MTUS2: variants seen among roughly 807,000 people sequenced by gnomAD.
MTUS2 encodes the protein microtubule-associated tumor suppressor candidate 2.
MTUS2 carries 40 observed loss-of-function variants against 114.1 expected under a neutral mutation model. The observed-to-expected ratio is 0.35, with a 90% CI of 0.27 to 0.46. The LOEUF is 0.46. Ranked by LOEUF, MTUS2 falls within the 20% of genes least tolerant of loss-of-function variation. The probability of loss-of-function intolerance (pLI) is 1.00; values close to 1 mark genes in which losing one functional copy is unlikely to be tolerated. For missense variants in MTUS2, 1,679 were observed against 1,705.4 expected (o/e 0.98, Z 0.27); for synonymous variants, 688 against 672.0 (o/e 1.02, Z -0.37).
chr13:29,213,024 A>G (rs1418764600), intron 5 of MTUS2, among the ~76,000 whole-genome samples: 2 of 152,094 alleles, frequency 1.3e-5, no homozygotes, highest in African/African-American at 4.8e-5. Context: ...AGAGTAAATG[A>G]TGCTTCTGTT....
intron 7 of MTUS2, among the ~76,000 whole-genome samples, chr13:29,356,244 A>G (rs1022776222): frequency 6.6e-6 from 1 of 152,136 alleles, no homozygotes; most frequent in Non-Finnish European, 1.5e-5. Flanking sequence ...AGAGGTCAGG[A>G]GTGGGTCACC....
intron 4 of MTUS2, among the ~76,000 whole-genome samples, chr13:29,045,330 C>T (rs1395627413): frequency 1.3e-5 from 2 of 152,088 alleles, no homozygotes; most frequent in Non-Finnish European, 2.9e-5. Context: ...TGCATTTTTG[C>T]CATAGCCTTA....
intron 4 of MTUS2, among the ~76,000 whole-genome samples, chr13:29,080,110 T>A (rs568513047): frequency 6.6e-6 from 1 of 152,344 alleles, no homozygotes; most frequent in Admixed American, 6.5e-5. Flanking sequence ...GATTTATACT[T>A]CTTTTGTTAA....
At chr13:29,031,924 G>A (rs905239149) in intron 3 of MTUS2, among the ~76,000 whole-genome samples, 14 of 151,986 alleles carry the variant, frequency 9.2e-5, no homozygotes, top group Non-Finnish European at 4.4e-5. Context: ...TGGTAAGAAT[G>A]TATTTGTTCA....
chr13:29,000,160 G>C (rs1199566504), intron 2 of MTUS2, among the ~76,000 whole-genome samples: 1 of 152,082 alleles, frequency 6.6e-6, no homozygotes, highest in Non-Finnish European at 1.5e-5. Context: ...AGGATCATAT[G>C]GTAATTCTAT....
intron 5 of MTUS2, among the ~76,000 whole-genome samples, chr13:29,261,509 A>G (rs1021234328): frequency 1.3e-5 from 2 of 152,370 alleles, no homozygotes; most frequent in Admixed American, 1.3e-4. Context: ...CAGAAGCTTC[A>G]ATATAACTAA....
chr13:29,502,554 AAGGCACCCCCAG>A (rs1361388268), intron 15 of MTUS2, among the ~76,000 whole-genome samples: 1 of 152,196 alleles, frequency 6.6e-6, no homozygotes, highest in Non-Finnish European at 1.5e-5. Flanking sequence ...AGGCCAGGAG[AAGGCACCCCCAG>A]CTTCCTGGCA....
intron 5 of MTUS2, among the ~76,000 whole-genome samples, chr13:29,280,478 TAAGAGA>T (rs1286301583): frequency 6.6e-6 from 1 of 152,176 alleles, no homozygotes; most frequent in Non-Finnish European, 1.5e-5. Flanking sequence ...TTTCAGGTGT[TAAGAGA>T]AAGAAAAAGA....
intron 4 of MTUS2, among the ~76,000 whole-genome samples, chr13:29,084,799 TG>T: frequency 8.2e-6 from 1 of 122,658 alleles, no homozygotes; most frequent in South Asian, 2.6e-4. Flanking sequence ...CCCTCACCGT[TG>T]GCCTTCCAAA....
intron 2 of MTUS2, among the ~76,000 whole-genome samples, chr13:28,922,478 G>A (rs1417914887): frequency 6.7e-6 from 1 of 150,074 alleles, no homozygotes; most frequent in African/African-American, 2.5e-5. Flanking sequence ...GCACTGTCAA[G>A]GCTTGCTGGA....
At chr13:28,907,855 G>A (rs1880146669) in intron 2 of MTUS2, among the ~76,000 whole-genome samples, 1 of 151,514 alleles carries the variant, frequency 6.6e-6, no homozygotes, top group Admixed American at 6.6e-5. Flanking sequence ...GAGACAGAAA[G>A]TTGACAGTTC....
chr13:29,412,214 C>A (rs544986852), intron 8 of MTUS2, among the ~76,000 whole-genome samples: 15 of 152,252 alleles, frequency 9.9e-5, no homozygotes, highest in African/African-American at 3.1e-4. Flanking sequence ...GGCTTTAGAA[C>A]TAAGGATTTT....
At chr13:28,891,270 G>A (rs569870732) in intron 2 of MTUS2, among the ~76,000 whole-genome samples, 66 of 152,326 alleles carry the variant, frequency 4.3e-4, no homozygotes, top group African/African-American at 1.6e-3. Flanking sequence ...CAGTATCCCT[G>A]TAAAGAGCCA....
chr13:29,323,009 G>T (rs1277483130), intron 6 of MTUS2, among the ~76,000 whole-genome samples: 2 of 152,328 alleles, frequency 1.3e-5, no homozygotes, highest in South Asian at 2.1e-4. Context: ...GACACTGTTT[G>T]TTGGGAATAT....
At chr13:29,497,502 A>G in intron 13 of MTUS2, 166 bp downstream of exon 13, 1 of 629,744 alleles carries the variant, frequency 1.6e-6, no homozygotes, top group East Asian at 2.7e-5. Flanking sequence ...TCCTGTCAGC[A>G]GCTCTCCCCT....
chr13:29,206,367 C>G (rs1409277282), intron 5 of MTUS2, among the ~76,000 whole-genome samples: 2 of 152,174 alleles, frequency 1.3e-5, no homozygotes, highest in African/African-American at 4.8e-5. Flanking sequence ...TGTCTGTTCA[C>G]TCTGCTGATT....
rs1313412656 is a variant in MTUS2 at position 29,504,763 on chromosome 13, CCT to C, written c.*1558_*1559del. On this transcript the variant is annotated 3_prime_UTR_variant, in exon 16 of 16. Transcript: ENST00000612955. ...TGTGACAAAGACCCTGCACTTTCTC[CCT>C]GAGACCCCCCCAAAATTGTCCTGAG... 4 of 233,118 alleles carry C rather than the reference CCT, an allele frequency of 1.7e-5. No individual in the cohort carries two copies. In the East Asian group the frequency reaches 1.8e-4, roughly 11 times the overall value. The allele number at this position is 233,118 out of a possible 1,614,324, so 14.4% of individuals were successfully genotyped here.
In MTUS2 at chr13:29,024,672, G is replaced by T. The variant is rs761422659; in HGVS notation, c.-27G>T. 6.2e-7 allele frequency: 1 copy of T among 1,607,902 alleles called. No homozygotes were observed. The highest frequency in any genetic ancestry group is 1.7e-5 in the Admixed American group (1 of 59,630). On this transcript the variant is annotated 5_prime_UTR_variant, in exon 3 of 16. Coordinates refer to ENST00000612955, the MANE Select transcript of MTUS2 (RefSeq NM_001033602.4). ...CATTTCCATTAAGTAGGACTGCATG[G>T]CAAGCAGCCCCACCAAAGGGTTGAC...
chr13:28,906,361 G>C (rs1428697967), intron 2 of MTUS2, among the ~76,000 whole-genome samples: 1 of 150,640 alleles, frequency 6.6e-6, no homozygotes, highest in African/African-American at 2.5e-5. Context: ...TGTCAATTTT[G>C]GATCTTTCCT....
Sources: allele counts gnomAD v4.1 joint callset (sites outside exome capture counted in the v4.1 genomes callset), GRCh38; gene constraint gnomAD v4.1.1; transcripts MANE v1.5; gene names NCBI Gene and HGNC (gene_info 2026-07-23, HGNC 2026-07-21).